HMCN2: variants seen among roughly 807,000 people sequenced by gnomAD.
HMCN2 encodes the protein hemicentin-2.
Under a neutral mutation model 377.5 loss-of-function variants are expected in HMCN2, and 325 were observed. The observed-to-expected ratio is 0.86, with a 90% CI of 0.79 to 0.94. The LOEUF is 0.94. HMCN2 is among the 40% of genes least tolerant of loss of function. HMCN2 has a pLI of 0.00. For missense variants in HMCN2, 4,543 were observed against 4,725.3 expected (o/e 0.96, Z 1.13); for synonymous variants, 2,007 against 2,046.8 (o/e 0.98, Z 0.53).
chr9:130,433,428 TG>T lies in HMCN2; in HGVS notation c.14978del (p.Gly4993AlafsTer99). The T allele has an allele frequency of 6.7e-7, 1 of 1,493,186 alleles. No individual in the cohort carries two copies. Among genetic ancestry groups the T allele is most frequent in the East Asian group, 2.8e-5 (1 of 35,290 alleles). The allele number at this position is 1,493,186 out of a possible 1,614,324, so 92.5% of individuals were successfully genotyped here. On this transcript the variant is annotated frameshift_variant, in exon 98 of 98. Coordinates refer to ENST00000683500, the MANE Select transcript of HMCN2 (RefSeq NM_001291815.2). LOFTEE classifies it high-confidence loss of function. ...CAGTACCGGCTGCTGCCGCTGCCCC[TG>T]GGCGTGCGCGCCCACCACGACGTGG... ...TLQYRLLPLPLGVRAHHDVAR... is the reference protein window; with the variant it reads ...TLQYRLLPLPXGVRAHHDVAR...
chr9:130,425,659 T>TCCCCCCCC, intron 89 of HMCN2, 28 bp from the exon 90 acceptor site: 2 of 373,314 alleles, frequency 5.4e-6, no homozygotes, highest in Non-Finnish European at 4.8e-6. Flanking sequence ...CCACCCCTCC[T>TCCCCCCCC]CCTCCTCCCC....
In HMCN2 at chr9:130,340,323, G is replaced by A. The variant is rs1419705344; in HGVS notation, c.3488-788G>A. On this transcript the variant is annotated intron_variant, in intron 23 of 97. Coordinates refer to ENST00000683500, the MANE Select transcript of HMCN2 (RefSeq NM_001291815.2). ...TTAGTGCCGCACCTCATTTCATCCC[G>A]CAGGGCGGGAGGGGTTGTGATGAGG... Among the ~76,000 whole-genome samples, 5 of 152,354 alleles carry A rather than the reference G, an allele frequency of 3.3e-5. 1 individual carries two copies. In the East Asian group the frequency reaches 5.8e-4, roughly 18 times the overall value.
chr9:130,383,408 G>A, intron 56 of HMCN2, 96 bp from the exon 57 acceptor site: 1 of 461,380 alleles, frequency 2.2e-6, no homozygotes, highest in Non-Finnish European at 2.9e-6. Flanking sequence ...TGCTTCCCTG[G>A]CATGGGATGG....
intron 65 of HMCN2, 123 bp from the exon 66 acceptor site, chr9:130,391,812 C>T (rs1842336225): frequency 1.6e-6 from 1 of 615,208 alleles, no homozygotes; most frequent in African/African-American, 2.0e-5. Context: ...TCATCCTTCA[C>T]AAGGGACCAC....
intron 18 of HMCN2, 23 bp downstream of exon 18, chr9:130,320,926 T>G (rs1588237995): frequency 6.6e-6 from 1 of 152,208 alleles, no homozygotes; most frequent in Non-Finnish European, 1.5e-5. Flanking sequence ...CTCCTCTGGG[T>G]GCGGTGGGCG....
Position 130,360,438 on chromosome 9 carries a change from G to A in HMCN2, c.5784G>A (p.Trp1928Ter). The change falls in exon 38 of 98, where the codon TGG becomes TGA. Residue 1928 changes from tryptophan to a stop codon, truncating the protein, a stop_gained. Coordinates refer to ENST00000683500, the MANE Select transcript of HMCN2 (RefSeq NM_001291815.2). LOFTEE classifies it high-confidence loss of function. The surrounding 1 kb of genome is among the most constrained non-coding windows in gnomAD (Gnocchi z 4.7). ...ASGVPPPDVS[W>*]FKGHQPVSSW... ...TCTTCCTTTCCCCAGATGTCTCCTG[G>A]TTCAAGGGCCACCAACCTGTCTCTT... 3 of 1,296,806 alleles carry A rather than the reference G, an allele frequency of 2.3e-6. No individual in the cohort carries two copies. The highest frequency in any genetic ancestry group is 3.0e-6 in the Non-Finnish European group (3 of 985,400). The allele number at this position is 1,296,806 out of a possible 1,614,324, so 80.3% of individuals were successfully genotyped here.
intron 43 of HMCN2, among the ~76,000 whole-genome samples, chr9:130,367,903 C>T (rs945651647): frequency 8.0e-5 from 11 of 137,192 alleles, no homozygotes; most frequent in Non-Finnish European, 3.0e-5. Context: ...GATGGTGGCA[C>T]TGTACTCCAG....
intron 15 of HMCN2, 85 bp from the exon 16 acceptor site, chr9:130,319,410 A>C (rs984141662): frequency 6.6e-6 from 1 of 152,260 alleles, no homozygotes; most frequent in Non-Finnish European, 1.5e-5. Flanking sequence ...ATAGTACAGG[A>C]GGAGGAGAGG....
At position 130,360,565 on chromosome 9, in the gene HMCN2, G is replaced by T. The variant is rs1287570558; in HGVS notation, c.5911G>T (p.Ala1971Ser). Residue 1971 changes from alanine (A) to serine (S), a missense_variant, in exon 38 of 98, where the codon GCA becomes TCA. Around this residue, in one of 5 missense-constraint regions of HMCN2, gnomAD observed 1,032 missense variants for 1,285.1 expected, o/e 0.80. Coordinates refer to ENST00000683500, the MANE Select transcript of HMCN2 (RefSeq NM_001291815.2). The surrounding 1 kb of genome is among the most constrained non-coding windows in gnomAD (Gnocchi z 4.7). The part of the protein sequence containing the change: ...GSYRCVASNV[A>S]GSTELRYGLR... Reference sequence around the variant, plus strand: ...CTACCGCTGTGTGGCATCCAATGTGGCAGGTAGCACAGAGCTGCGGTATGG... The same window carrying T: ...CTACCGCTGTGTGGCATCCAATGTGTCAGGTAGCACAGAGCTGCGGTATGG... 4.6e-6 allele frequency: 6 copies of T among 1,303,976 alleles called. No homozygotes were observed. Among genetic ancestry groups the T allele is most frequent in the Non-Finnish European group, 6.1e-6 (6 of 988,848 alleles). The allele number at this position is 1,303,976 out of a possible 1,614,324, so 80.8% of individuals were successfully genotyped here. A position where few individuals can be genotyped will look rare whatever the true frequency, so the allele number is the denominator to read the frequency against.
In HMCN2 at chr9:130,332,565, G is replaced by A. The variant is rs1013977413; in HGVS notation, c.3359+5090G>A. 5.9e-5 allele frequency among the ~76,000 whole-genome samples: 9 copies of A among 151,954 alleles called. No homozygotes were observed. The South Asian group carries it at 1.0e-3, about 17-fold the overall frequency. On this transcript the variant is annotated intron_variant, in intron 22 of 97. Transcript: ENST00000683500. ...CATCCTCGTTAGCAGCACCAGCATC[G>A]CAGGGCTTACGCTCTCCGGGCTCGT...
chr9:130,340,304 C>T lies in HMCN2; in HGVS notation c.3488-807C>T, dbSNP rs893029111. Reference sequence around the variant, plus strand: ...GGGCTCTATGCTGGCTGCTTTAGTGCCGCACCTCATTTCATCCCGCAGGGC... The same window carrying T: ...GGGCTCTATGCTGGCTGCTTTAGTGTCGCACCTCATTTCATCCCGCAGGGC... On this transcript the variant is annotated intron_variant, in intron 23 of 97. Coordinates refer to ENST00000683500, the MANE Select transcript of HMCN2 (RefSeq NM_001291815.2). 8.5e-4 allele frequency among the ~76,000 whole-genome samples: 130 copies of T among 152,246 alleles called. 1 individual carries two copies. Among genetic ancestry groups the T allele is most frequent in the African/African-American group, 3.1e-3 (128 of 41,476 alleles).
intron 24 of HMCN2, among the ~76,000 whole-genome samples, chr9:130,342,012 A>AAAAT (rs1221408865): frequency 0.25 from 32,589 of 130,500 alleles, 4,152 homozygotes; most frequent in South Asian, 0.33. Flanking sequence ...CCCATCTCTT[A>AAAAT]AAATAAATAA....
chr9:130,266,237 C>CT (rs1834090974), intron 1 of HMCN2, 100 bp downstream of exon 1: 1 of 361,134 alleles, frequency 2.8e-6, no homozygotes, highest in African/African-American at 2.2e-5. Flanking sequence ...ACGTCGTGGG[C>CT]TGCGCCGCGG....
Position 130,393,084 on chromosome 9 carries a change from G to T in HMCN2, c.10137-128G>T. On this transcript the variant is annotated intron_variant, in intron 66 of 97. Transcript: ENST00000683500. This position sits in a 1 kb window ranked among gnomAD's most constrained non-coding sequence, Gnocchi z 5.2. Reference sequence around the variant, plus strand: ...CCCCCTCTGGCCAGCAAGCTCTTGGGAGACAAAGGTTGGAAAAGGGAGGAA... The same window carrying T: ...CCCCCTCTGGCCAGCAAGCTCTTGGTAGACAAAGGTTGGAAAAGGGAGGAA... 2.2e-6 allele frequency: 1 copy of T among 453,832 alleles called. No individual in the cohort carries two copies. The highest frequency in any genetic ancestry group is 2.9e-6 in the Non-Finnish European group (1 of 343,410). The allele number at this position is 453,832 out of a possible 1,614,324, so 28.1% of individuals were successfully genotyped here.
intron 82 of HMCN2, 71 bp downstream of exon 82, chr9:130,406,239 G>A (rs2131733994): frequency 8.2e-7 from 1 of 1,220,512 alleles, no homozygotes; most frequent in Non-Finnish European, 1.1e-6. Flanking sequence ...AGGGCAGGTG[G>A]GGAGACCCAA....
chr9:130,321,306 C>T (rs1237117012), intron 18 of HMCN2, among the ~76,000 whole-genome samples: 1 of 145,138 alleles, frequency 6.9e-6, no homozygotes, highest in East Asian at 2.0e-4. Context: ...GCTGAACGCA[C>T]AGTGGTTGCC....
At chr9:130,300,447 T>G (rs1836445719) in intron 8 of HMCN2, among the ~76,000 whole-genome samples, 1 of 152,224 alleles carries the variant, frequency 6.6e-6, no homozygotes, top group Admixed American at 6.5e-5. Context: ...TTTGGACACT[T>G]TCCATGGGGC....
In HMCN2 at chr9:130,379,343, G is replaced by C; in HGVS notation, c.8307G>C (p.Arg2769Ser). ...CCCGGGGCGGAGTCACGGAATACAG[G>C]GAGATCGTGGAGAACAACCCAGCCT... Reference protein sequence around the residue: ...EEARGGVTEYREIVENNPAYL... With the variant: ...EEARGGVTEYSEIVENNPAYL... Residue 2769 changes from arginine (R) to serine (S), a missense_variant, in exon 54 of 98, where the codon AGG becomes AGC. Physicochemically the swap from Arg to Ser is moderately radical, Grantham distance 110. Around this residue, in one of 5 missense-constraint regions of HMCN2, gnomAD observed 736 missense variants for 773.2 expected, o/e 0.95. Coordinates refer to ENST00000683500, the MANE Select transcript of HMCN2 (RefSeq NM_001291815.2). 1.0e-6 allele frequency: 1 copy of C among 985,734 alleles called. No homozygotes were observed. The highest frequency in any genetic ancestry group is 1.2e-6 in the Non-Finnish European group (1 of 829,924). 61.1% of individuals were successfully genotyped at this position (985,734 alleles called of 1,614,324 possible).
At chr9:130,405,204 G>A (rs1843035317) in intron 81 of HMCN2, 145 bp downstream of exon 81, 1 of 512,480 alleles carries the variant, frequency 2.0e-6, no homozygotes, top group South Asian at 3.1e-5. Flanking sequence ...AGCCAGAACT[G>A]AGGCTCAAAG....
Sources: allele counts gnomAD v4.1 joint callset (sites outside exome capture counted in the v4.1 genomes callset), GRCh38; gene constraint gnomAD v4.1.1; regional missense constraint gnomAD v4.1.1; non-coding constraint Gnocchi (gnomAD v3.1); transcripts MANE v1.5; gene names NCBI Gene and HGNC (gene_info 2026-07-23, HGNC 2026-07-21).